Variants in CHD1L observed in about 807,000 individuals in gnomAD.
The protein encoded by CHD1L is chromodomain helicase DNA binding protein 1 like, also known as ATP-dependent chromatin remodeler CHD1L.
Under a neutral mutation model 115.9 loss-of-function variants are expected in CHD1L, and 118 were observed. The observed-to-expected ratio is 1.02, with a 90% CI of 0.88 to 1.19. The LOEUF (loss-of-function observed/expected upper bound fraction) is 1.19. CHD1L is among the 50% of genes most tolerant of loss of function. The pLI, the probability that CHD1L is intolerant of heterozygous loss-of-function variation, is 0.00. For synonymous variants in CHD1L, 411 were observed against 387.1 expected (o/e 1.06, Z -0.72); for missense variants, 1,179 against 1,065.3 (o/e 1.11, Z -1.49).
At chr1:147,190,561 G>A in the CHD1L span, among the ~76,000 whole-genome samples, 24 of 152,176 alleles carry the variant, frequency 1.6e-4, no homozygotes, top group African/African-American at 5.5e-4. Context: ...TGGACTTAAA[G>A]GTATATGGAA....
In CHD1L at chr1:147,252,643, C is replaced by T. The variant is rs1042273506; in HGVS notation, c.148C>T (p.Gln50Ter). ...TCTAGGGATTCACCTACGCTCTTAC[C>T]AGCTGGAGGGAGTAAACTGGCTCGC... ...GLTGIHLRSY[Q>*]LEGVNWLAQR... is the part of the protein sequence containing the mutation. Residue 50 changes from glutamine to a stop codon, truncating the protein, a stop_gained, in exon 2 of 23, where the codon CAG becomes TAG. Coordinates refer to ENST00000369258, the MANE Select transcript of CHD1L (RefSeq NM_004284.6). LOFTEE classifies it high-confidence loss of function. 3.1e-6 allele frequency: 5 copies of T among 1,613,980 alleles called. No individual in the cohort carries two copies. In the South Asian group the frequency reaches 5.5e-5, roughly 18 times the overall value.
the CHD1L span, among the ~76,000 whole-genome samples, chr1:147,218,514 G>A: frequency 1.4e-4 from 22 of 152,178 alleles, no homozygotes; most frequent in African/African-American, 5.3e-4. Flanking sequence ...GGGATTACAG[G>A]CGTGAGCCAC....
the CHD1L span, chr1:147,224,047 G>T: frequency 5.0e-6 from 2 of 403,150 alleles, no homozygotes; most frequent in Non-Finnish European, 9.8e-6. Flanking sequence ...ATCCCATCGA[G>T]CTGGTTGTCT....
rs1686358623 is a variant in CHD1L, at chr1:147,293,470, T to C, written c.2392-138T>C. ...AGTCATACATATAGTAGGACATTGC[T>C]GTTCAGGCATAGCATCCGAAAGAGA... is the stretch of plus-strand genomic sequence containing the variant. On this transcript the variant is annotated intron_variant, in intron 20 of 22. Coordinates refer to ENST00000369258, the MANE Select transcript of CHD1L (RefSeq NM_004284.6). 8.8e-6 allele frequency: 6 copies of C among 678,508 alleles called. No individual in the cohort carries two copies. The East Asian group carries it at 1.5e-4, about 17-fold the overall frequency. The allele number at this position is 678,508 out of a possible 1,614,324, so 42.0% of individuals were successfully genotyped here.
chr1:147,232,906 C>A, the CHD1L span, among the ~76,000 whole-genome samples: 2 of 152,222 alleles, frequency 1.3e-5, no homozygotes, highest in Non-Finnish European at 2.9e-5. Context: ...AGTGCAGCCT[C>A]TGCCTGGCCG....
intron 7 of CHD1L, among the ~76,000 whole-genome samples, chr1:147,265,616 C>T (rs189779494): frequency 1.3e-5 from 2 of 152,256 alleles, no homozygotes; most frequent in Admixed American, 1.3e-4. Context: ...CAGTATTCCT[C>T]ACTTGAAATT....
At chr1:147,211,386 A>G in the CHD1L span, 2 of 152,182 alleles carry the variant, frequency 1.3e-5, no homozygotes, top group Non-Finnish European at 2.9e-5. Flanking sequence ...CCTTGTTTAT[A>G]TGATTATTTC....
the CHD1L span, chr1:147,201,301 A>C: frequency 1.2e-6 from 2 of 1,614,156 alleles, no homozygotes; most frequent in Non-Finnish European, 8.5e-7. Flanking sequence ...GTTTTTGACC[A>C]CTTTGACGGA....
chr1:147,179,699 G>A, the CHD1L span: 1 of 800,358 alleles, frequency 1.2e-6, no homozygotes, highest in Non-Finnish European at 2.1e-6. Context: ...GGAGGACTAG[G>A]ACCCATATGG....
rs41295825 is a variant in CHD1L at position 147,255,114 on chromosome 1, G to A, written c.347+138G>A. On this transcript the variant is annotated intron_variant, in intron 3 of 22. Transcript: ENST00000369258. ...CCAGAAAACTTTGAGCTGATAGAGTGTAGGTAGACACTGAGGATATAATAG... is the reference window on the plus strand; with the variant it reads ...CCAGAAAACTTTGAGCTGATAGAGTATAGGTAGACACTGAGGATATAATAG... The A allele has an allele frequency of 7.2e-3, 4,070 of 566,580 alleles. 60 individuals carry two copies. The highest frequency in any genetic ancestry group is 0.025 in the Middle Eastern group (59 of 2,340). 35.1% of individuals were successfully genotyped at this position (566,580 alleles called of 1,614,324 possible).
intron 1 of CHD1L, among the ~76,000 whole-genome samples, chr1:147,243,282 G>T (rs1257951734): frequency 6.6e-6 from 1 of 152,160 alleles, no homozygotes; most frequent in Non-Finnish European, 1.5e-5. Context: ...TTTACTGTGC[G>T]CGCGCAGTTA....
intron 15 of CHD1L, among the ~76,000 whole-genome samples, chr1:147,283,450 G>A (rs1339220329): frequency 2.6e-5 from 4 of 152,210 alleles, no homozygotes; most frequent in African/African-American, 9.6e-5. Context: ...GTGGTTGCTA[G>A]TCTTGGCTGG....
At chr1:147,206,497 G>A in the CHD1L span, among the ~76,000 whole-genome samples, 2 of 152,044 alleles carry the variant, frequency 1.3e-5, no homozygotes, top group African/African-American at 2.4e-5. Flanking sequence ...ACAATAGCAA[G>A]GACTTGGAAC....
At chr1:147,292,053 C>T (rs797028915) in intron 20 of CHD1L, among the ~76,000 whole-genome samples, 2 of 152,280 alleles carry the variant, frequency 1.3e-5, no homozygotes, top group African/African-American at 2.4e-5. Flanking sequence ...CTGTACTTCC[C>T]CTGTCCCCAG....
the CHD1L span, chr1:147,209,010 A>T: frequency 1.2e-6 from 2 of 1,614,106 alleles, no homozygotes; most frequent in East Asian, 2.2e-5. Flanking sequence ...AGTCCCCTAC[A>T]CGATTCAGGA....
the CHD1L span, among the ~76,000 whole-genome samples, chr1:147,211,892 T>C: frequency 3.9e-5 from 6 of 152,348 alleles, no homozygotes; most frequent in South Asian, 2.1e-4. Context: ...ACATTGTCTT[T>C]GGGAAGATAA....
intron 10 of CHD1L, among the ~76,000 whole-genome samples, chr1:147,269,416 A>G (rs1675241727): frequency 1.3e-5 from 2 of 152,130 alleles, no homozygotes; most frequent in South Asian, 4.1e-4. Context: ...CGCGCCTGTA[A>G]TCCCAATACT....
chr1:147,232,060 G>C, the CHD1L span, among the ~76,000 whole-genome samples: 4 of 152,128 alleles, frequency 2.6e-5, no homozygotes, highest in African/African-American at 9.7e-5. Flanking sequence ...TTCCTATTCA[G>C]CCATCTTGGC....
chr1:147,183,473 C>T, the CHD1L span, among the ~76,000 whole-genome samples: 2 of 152,240 alleles, frequency 1.3e-5, no homozygotes, highest in African/African-American at 4.8e-5. Context: ...AGATTAAGTA[C>T]AAAATGTATT....
Sources: allele counts gnomAD v4.1 joint callset (sites outside exome capture counted in the v4.1 genomes callset), GRCh38; gene constraint gnomAD v4.1.1; transcripts MANE v1.5; gene names NCBI Gene and HGNC (gene_info 2026-07-23, HGNC 2026-07-21).